The following SYT14 variants were observed in gnomAD, a reference collection of about 807,000 sequenced individuals.
The protein encoded by SYT14 is synaptotagmin 14.
SYT14 carries 32 observed loss-of-function variants against 74.2 expected under a neutral mutation model. The observed-to-expected ratio is 0.43, with a 90% CI of 0.33 to 0.58. The LOEUF is 0.58. Ranked by LOEUF, SYT14 falls within the 20% of genes least tolerant of loss-of-function variation. SYT14 has a pLI of 0.05. For missense variants in SYT14, 791 were observed against 981.8 expected (o/e 0.81, Z 2.60); for synonymous variants, 298 against 337.7 (o/e 0.88, Z 1.29).
chr1:210,056,077 A>C (rs974475347), intron 5 of SYT14, among the ~76,000 whole-genome samples: 2 of 152,166 alleles, frequency 1.3e-5, no homozygotes, highest in Admixed American at 1.3e-4. Flanking sequence ...TTTTATATTC[A>C]CTTTAAAAAT....
intron 7 of SYT14, among the ~76,000 whole-genome samples, chr1:210,112,179 C>G (rs906431312): frequency 4.0e-5 from 6 of 151,234 alleles, no homozygotes; most frequent in Middle Eastern, 3.2e-3. Context: ...TCTACCCAGA[C>G]CAAGTGGTAT....
At chr1:209,971,980 G>A (rs914462533) in intron 2 of SYT14, among the ~76,000 whole-genome samples, 9 of 152,036 alleles carry the variant, frequency 5.9e-5, no homozygotes, top group African/African-American at 1.7e-4. Context: ...TTCTTTATGC[G>A]TCTGTTAGAA....
intron 2 of SYT14, among the ~76,000 whole-genome samples, chr1:209,974,743 G>C (rs557405393): frequency 6.6e-6 from 1 of 152,212 alleles, no homozygotes; most frequent in Non-Finnish European, 1.5e-5. Context: ...TTCCAATTCT[G>C]TGAAGAAAGT....
intron 5 of SYT14, among the ~76,000 whole-genome samples, chr1:210,037,017 G>A (rs1053038087): frequency 6.6e-6 from 1 of 151,766 alleles, no homozygotes; most frequent in Non-Finnish European, 1.5e-5. Context: ...TCAGTTCTTT[G>A]TATGTCTCAT....
chr1:210,128,839 A>G (rs570331961), intron 7 of SYT14, among the ~76,000 whole-genome samples: 2 of 152,350 alleles, frequency 1.3e-5, no homozygotes, highest in African/African-American at 4.8e-5. Flanking sequence ...CCACTGATAC[A>G]TAAATTGTTT....
intron 1 of SYT14, among the ~76,000 whole-genome samples, chr1:209,951,368 AAGTG>A (rs1330521065): frequency 2.6e-5 from 4 of 152,150 alleles, no homozygotes; most frequent in African/African-American, 9.7e-5. Context: ...TTCCACATAC[AAGTG>A]AGATCATGCA....
chr1:209,951,255 A>G (rs374214788), intron 1 of SYT14, among the ~76,000 whole-genome samples: 11 of 152,120 alleles, frequency 7.2e-5, no homozygotes, highest in African/African-American at 2.4e-4. Context: ...TACCCTTTGC[A>G]GTATCTCCCC....
chr1:210,091,421 C>G (rs2081864929), intron 5 of SYT14, among the ~76,000 whole-genome samples: 1 of 152,134 alleles, frequency 6.6e-6, no homozygotes, highest in Non-Finnish European at 1.5e-5. Context: ...TGGCGCAGTG[C>G]CTTATGCCTG....
Position 210,013,811 on chromosome 1 carries a change from T to A in SYT14, c.-321+14T>A. On this transcript the variant is annotated intron_variant, in intron 3 of 9. Coordinates refer to ENST00000637265, the Ensembl canonical transcript of SYT14. ...AAGATAAAATTTGTAAGTATCGTAT[T>A]GCTGCTTCTCTTGTTTGTTCTTTTT... 3.1e-6 allele frequency: 5 copies of A among 1,608,382 alleles called. No individual in the cohort carries two copies. Among genetic ancestry groups the A allele is most frequent in the Non-Finnish European group, 4.2e-6 (5 of 1,177,964 alleles).
At chr1:210,092,228 T>G (rs142225005) in intron 5 of SYT14, among the ~76,000 whole-genome samples, 118 of 152,280 alleles carry the variant, frequency 7.7e-4, no homozygotes, top group African/African-American at 2.5e-3. Flanking sequence ...AGGTATTTAG[T>G]GATGTTTCAG....
intron 2 of SYT14, among the ~76,000 whole-genome samples, chr1:209,985,834 A>C (rs954780716): frequency 4.6e-5 from 7 of 152,252 alleles, no homozygotes; most frequent in African/African-American, 1.4e-4. Flanking sequence ...CAAGGCTTAC[A>C]GCTTGCACTC....
chr1:210,122,407 T>G (rs2102614767), intron 7 of SYT14, among the ~76,000 whole-genome samples: 1 of 152,320 alleles, frequency 6.6e-6, no homozygotes, highest in Non-Finnish European at 1.5e-5. Flanking sequence ...TTGGGCAGGT[T>G]CTTTCTGAAA....
intron 5 of SYT14, among the ~76,000 whole-genome samples, chr1:210,064,221 T>C (rs1308552627): frequency 6.6e-6 from 1 of 152,092 alleles, no homozygotes; most frequent in Admixed American, 6.6e-5. Flanking sequence ...TGTTATGGCA[T>C]GTATCAGAAT....
intron 2 of SYT14, among the ~76,000 whole-genome samples, chr1:210,005,339 T>C (rs975568691): frequency 9.9e-5 from 15 of 152,102 alleles, no homozygotes; most frequent in African/African-American, 3.4e-4. Context: ...TTGATGGGTT[T>C]GAACTAAATC....
At chr1:209,941,187 C>T (rs2078724435) in intron 1 of SYT14, among the ~76,000 whole-genome samples, 1 of 152,098 alleles carries the variant, frequency 6.6e-6, no homozygotes. Flanking sequence ...AAAATTATTT[C>T]TACTAAGTAA....
At chr1:209,976,040 G>A (rs1468327517) in intron 2 of SYT14, among the ~76,000 whole-genome samples, 1 of 152,016 alleles carries the variant, frequency 6.6e-6, no homozygotes, top group Admixed American at 6.6e-5. Context: ...CTGTGGGATT[G>A]GTGGTGATAT....
At chr1:209,955,208 C>T (rs2078974788) in intron 2 of SYT14, among the ~76,000 whole-genome samples, 1 of 152,156 alleles carries the variant, frequency 6.6e-6, no homozygotes, top group African/African-American at 2.4e-5. Flanking sequence ...TCTTGGCTGT[C>T]TGAGCTCCCT....
chr1:209,984,339 A>G (rs1425570912), intron 2 of SYT14, among the ~76,000 whole-genome samples: 3 of 152,186 alleles, frequency 2.0e-5, no homozygotes, highest in African/African-American at 4.8e-5. Flanking sequence ...CCCTTCAGCA[A>G]GCACATCCCT....
chr1:210,165,267 C>T (rs917221290), exon 10 of SYT14: 3 of 151,876 alleles, frequency 2.0e-5, no homozygotes, highest in Non-Finnish European at 4.4e-5. Context: ...TATCAATAAT[C>T]CCACTCACCT....
Sources: allele counts gnomAD v4.1 joint callset (sites outside exome capture counted in the v4.1 genomes callset), GRCh38; gene constraint gnomAD v4.1.1; transcripts MANE v1.5; gene names NCBI Gene and HGNC (gene_info 2026-07-23, HGNC 2026-07-21).